Variants in DUSP16 observed in about 807,000 individuals in gnomAD.
DUSP16 encodes the protein dual specificity protein phosphatase 16.
A neutral mutation model predicts 58.3 loss-of-function variants in DUSP16; 21 were observed. The observed-to-expected ratio is 0.36, with a 90% CI of 0.26 to 0.52. The LOEUF (loss-of-function observed/expected upper bound fraction) is 0.52. Ranked by LOEUF, DUSP16 falls within the 20% of genes least tolerant of loss-of-function variation. DUSP16 has a pLI of 0.94. For synonymous variants in DUSP16, 320 were observed against 323.8 expected (o/e 0.99, Z 0.12); for missense variants, 726 against 819.0 (o/e 0.89, Z 1.39).
At chr12:12,497,491 G>A (rs945803309) in intron 4 of DUSP16, among the ~76,000 whole-genome samples, 1 of 152,122 alleles carries the variant, frequency 6.6e-6, no homozygotes, top group African/African-American at 2.4e-5. Flanking sequence ...TAGCTCTGAA[G>A]TCCATGACAT....
At chr12:12,557,965 G>A (rs752415526) in intron 1 of DUSP16, among the ~76,000 whole-genome samples, 1 of 152,066 alleles carries the variant, frequency 6.6e-6, no homozygotes, top group Non-Finnish European at 1.5e-5. Flanking sequence ...TTAAGGCCAG[G>A]GTCAAATTCT....
intron 1 of DUSP16, among the ~76,000 whole-genome samples, chr12:12,558,867 A>C (rs1472272009): frequency 2.6e-5 from 4 of 151,890 alleles, no homozygotes; most frequent in African/African-American, 9.7e-5. Flanking sequence ...TTCCTTACTG[A>C]TCATACTCCT....
chr12:12,555,442 C>G (rs1370993281), intron 1 of DUSP16, among the ~76,000 whole-genome samples: 1 of 152,220 alleles, frequency 6.6e-6, no homozygotes, highest in Non-Finnish European at 1.5e-5. Context: ...CAAAAGCCTA[C>G]TCTACTATCC....
chr12:12,536,087 A>AGACT (rs1944458207), intron 1 of DUSP16, among the ~76,000 whole-genome samples: 1 of 152,230 alleles, frequency 6.6e-6, no homozygotes, highest in Non-Finnish European at 1.5e-5. Flanking sequence ...AGATTTAAGG[A>AGACT]GACTGACTGA....
chr12:12,518,341 C>G (rs570954112), intron 3 of DUSP16, among the ~76,000 whole-genome samples: 1 of 152,062 alleles, frequency 6.6e-6, no homozygotes, highest in Non-Finnish European at 1.5e-5. Flanking sequence ...TGGTGAAACC[C>G]GGTCTCTACT....
In DUSP16 at chr12:12,521,128, C is replaced by G. The variant is rs769202517; in HGVS notation, c.-30G>C. On this transcript the variant is annotated 5_prime_UTR_variant, in exon 2 of 7. Coordinates refer to ENST00000298573, the MANE Select transcript of DUSP16 (RefSeq NM_030640.3). ...ACAATAAGTCCTCTTTTCCCACCTC[C>G]TTCTTTAATTTGCCACGATGATGTA... The G allele has an allele frequency of 6.2e-7, 1 of 1,606,932 alleles. No homozygotes were observed. The highest frequency in any genetic ancestry group is 1.3e-5 in the African/African-American group (1 of 74,856).
rs139992656 is a variant in DUSP16 at position 12,549,644 on chromosome 12, C to G, written c.-366+12473G>C. ...TGACTGCCAAGAGCAGTCCGTTCTC[C>G]TCTCACATATGTTACCATCTCTCCC... On this transcript the variant is annotated intron_variant, in intron 1 of 6. Transcript: ENST00000298573. 3.9e-3 allele frequency among the ~76,000 whole-genome samples: 601 copies of G among 152,284 alleles called. 3 individuals carry two copies. The highest frequency in any genetic ancestry group is 0.014 in the African/African-American group (563 of 41,542).
At chr12:12,529,512 G>T (rs1252172200) in intron 1 of DUSP16, among the ~76,000 whole-genome samples, 1 of 152,178 alleles carries the variant, frequency 6.6e-6, no homozygotes, top group East Asian at 1.9e-4. Flanking sequence ...ACTAACAAGT[G>T]CATTACCACA....
In DUSP16 at chr12:12,521,106, A is replaced by C. The variant is rs376185234; in HGVS notation, c.-8T>G. The stretch of plus-strand genomic sequence containing the variant: ...AATCATCTCATGGGCCATGACAACA[A>C]TAAGTCCTCTTTTCCCACCTCCTTC... On this transcript the variant is annotated 5_prime_UTR_variant, in exon 2 of 7. Transcript: ENST00000298573. 6.2e-7 allele frequency: 1 copy of C among 1,613,570 alleles called. No individual in the cohort carries two copies. The highest frequency in any genetic ancestry group is 8.5e-7 in the Non-Finnish European group (1 of 1,179,764).
In DUSP16 at chr12:12,521,463, C is replaced by A; in HGVS notation, c.-365G>T. ...CAACAGCTTTACACTGGACTGAAAG[C>A]CTACGCGGAGAGAGAAAGACAGAAA... On this transcript the variant is annotated splice_region_variant and 5_prime_UTR_variant, in exon 2 of 7. Coordinates refer to ENST00000298573, the MANE Select transcript of DUSP16 (RefSeq NM_030640.3). 1 of 1,074,060 alleles carries A rather than the reference C, an allele frequency of 9.3e-7. No individual in the cohort carries two copies. Among genetic ancestry groups the A allele is most frequent in the Non-Finnish European group, 1.1e-6 (1 of 883,674 alleles). The allele number at this position is 1,074,060 out of a possible 1,614,324, so 66.5% of individuals were successfully genotyped here.
chr12:12,503,689 G>A (rs571308140), intron 3 of DUSP16, among the ~76,000 whole-genome samples: 1 of 152,264 alleles, frequency 6.6e-6, no homozygotes, highest in East Asian at 1.9e-4. Flanking sequence ...ACAGGATAGC[G>A]GTCTAAAAAG....
chr12:12,488,887 C>T (rs1300793887), intron 4 of DUSP16, among the ~76,000 whole-genome samples: 1 of 152,146 alleles, frequency 6.6e-6, no homozygotes, highest in Non-Finnish European at 1.5e-5. Flanking sequence ...TGAAACCAGC[C>T]TGACCAACAT....
intron 3 of DUSP16, among the ~76,000 whole-genome samples, chr12:12,509,476 C>T (rs955567381): frequency 4.7e-5 from 7 of 150,228 alleles, no homozygotes; most frequent in Non-Finnish European, 7.4e-5. Flanking sequence ...AATTCTGTTG[C>T]GTTTAAAGAA....
intron 1 of DUSP16, among the ~76,000 whole-genome samples, chr12:12,553,185 T>G (rs1047291653): frequency 2.6e-5 from 4 of 152,222 alleles, no homozygotes; most frequent in African/African-American, 9.6e-5. Flanking sequence ...AAAAGATTTT[T>G]GGGGTCCTCA....
At chr12:12,532,223 C>T (rs943150060) in intron 1 of DUSP16, among the ~76,000 whole-genome samples, 1 of 151,740 alleles carries the variant, frequency 6.6e-6, no homozygotes, top group African/African-American at 2.4e-5. Flanking sequence ...AGTTAAAATA[C>T]ACATGAAAAA....
At chr12:12,522,949 T>C (rs1435462469) in intron 1 of DUSP16, among the ~76,000 whole-genome samples, 3 of 152,232 alleles carry the variant, frequency 2.0e-5, no homozygotes, top group South Asian at 2.1e-4. Context: ...TATATTATTA[T>C]AGTAGGTAAA....
intron 1 of DUSP16, among the ~76,000 whole-genome samples, chr12:12,522,758 T>C (rs1944254521): frequency 1.3e-5 from 2 of 152,008 alleles, no homozygotes; most frequent in South Asian, 4.2e-4. Flanking sequence ...GAGACAGGGT[T>C]TCGCCATGTT....
At position 12,476,746 on chromosome 12, in the gene DUSP16, G is replaced by A. The variant is rs1223185711; in HGVS notation, c.*87C>T. ...CCATTTTCCAAAAATATATATGTAT[G>A]TACATATATATATTTCAGATTTACA... On this transcript the variant is annotated 3_prime_UTR_variant, in exon 7 of 7. Transcript: ENST00000298573. 3.2e-6 allele frequency: 4 copies of A among 1,247,940 alleles called. No individual in the cohort carries two copies. In the African/African-American group the frequency reaches 4.5e-5, roughly 14 times the overall value. 77.3% of individuals were successfully genotyped at this position (1,247,940 alleles called of 1,614,324 possible).
Position 12,480,260 on chromosome 12 carries a change from T to TGATGTAGGCGATAGC in DUSP16, c.763_777dup (p.Ala255_Ile259dup). On this transcript the variant is annotated inframe_insertion, in exon 6 of 7. Coordinates refer to ENST00000298573, the MANE Select transcript of DUSP16 (RefSeq NM_030640.3). ...TCTAAAGACATGTCCATCCTCTTCA[T>TGATGTAGGCGATAGC]GATGTAGGCGATAGCGATGGTGGCG... 1 of 1,614,202 alleles carries TGATGTAGGCGATAGC rather than the reference T, an allele frequency of 6.2e-7. No homozygotes were observed. Among genetic ancestry groups the TGATGTAGGCGATAGC allele is most frequent in the Non-Finnish European group, 8.5e-7 (1 of 1,180,030 alleles).
Sources: allele counts gnomAD v4.1 joint callset (sites outside exome capture counted in the v4.1 genomes callset), GRCh38; gene constraint gnomAD v4.1.1; transcripts MANE v1.5; gene names NCBI Gene and HGNC (gene_info 2026-07-23, HGNC 2026-07-21).